TMEM14A: variants seen among roughly 807,000 people sequenced by gnomAD.
TMEM14A encodes the protein transmembrane protein 14A.
A neutral mutation model predicts 11.6 loss-of-function variants in TMEM14A; 8 were observed. That is an observed-to-expected ratio of 0.69 (90% CI 0.40 to 1.24). TMEM14A has a LOEUF of 1.24. Among genes scored for constraint, TMEM14A ranks in the 50% most tolerant of loss-of-function variants. TMEM14A has a pLI of 0.01. For missense variants in TMEM14A, 108 were observed against 121.9 expected, an observed-to-expected ratio of 0.89 and a Z score of 0.54; for synonymous variants, 34 against 45.5, an observed-to-expected ratio of 0.75 and a Z score of 1.02.
chr6:52,681,298 C>G (rs185052383), intron 2 of TMEM14A, among the ~76,000 whole-genome samples: 24 of 152,132 alleles, frequency 1.6e-4, no homozygotes, highest in Admixed American at 5.2e-4. Context: ...TCTATTAGTC[C>G]TTGAGTCCTG....
At position 52,677,094 on chromosome 6, in the gene TMEM14A, A is replaced by G. The variant is rs764266655; in HGVS notation, c.-9A>G. The G allele has an allele frequency of 5.6e-6, 9 of 1,613,946 alleles. No individual in the cohort carries two copies. The highest frequency in any genetic ancestry group is 2.7e-5 in the African/African-American group (2 of 74,878). ...CTTTCCCCCTTGCTTTAGAATTGCAACCTTGCCAATGGACCTGATCGGTTT... is the reference window on the plus strand; with the variant it reads ...CTTTCCCCCTTGCTTTAGAATTGCAGCCTTGCCAATGGACCTGATCGGTTT... On this transcript the variant is annotated 5_prime_UTR_variant, in exon 2 of 5. Coordinates refer to ENST00000211314, the MANE Select transcript of TMEM14A (RefSeq NM_014051.4).
At chr6:52,677,958 G>A (rs1769290411) in intron 2 of TMEM14A, among the ~76,000 whole-genome samples, 1 of 152,138 alleles carries the variant, frequency 6.6e-6, no homozygotes, top group Non-Finnish European at 1.5e-5. Flanking sequence ...TGTAGCTGGG[G>A]GGCTGGCAGG....
intron 1 of TMEM14A, among the ~76,000 whole-genome samples, chr6:52,675,819 A>G (rs1412196142): frequency 1.3e-5 from 2 of 152,266 alleles, no homozygotes; most frequent in African/African-American, 2.4e-5. Context: ...CTGTACAGAC[A>G]TGAAAGAATT....
Position 52,671,559 on chromosome 6 carries a change from CCTT to C in TMEM14A, c.-17+317_-17+319del, listed in dbSNP as rs1283682075. On this transcript the variant is annotated intron_variant, in intron 1 of 4. Coordinates refer to ENST00000211314, the MANE Select transcript of TMEM14A (RefSeq NM_014051.4). ...TGCAAAATGCTTGGCAGGATTTTAA[CCTT>C]CTCAGCACCACCCAGACCCCACTCG... 3.3e-5 allele frequency among the ~76,000 whole-genome samples: 5 copies of C among 152,108 alleles called. No homozygotes were observed. The South Asian group carries it at 8.3e-4, about 25-fold the overall frequency.
intron 3 of TMEM14A, among the ~76,000 whole-genome samples, chr6:52,683,467 A>G (rs1186150660): frequency 9.3e-6 from 1 of 107,246 alleles, no homozygotes; most frequent in Non-Finnish European, 1.9e-5. Flanking sequence ...CTCAACAACA[A>G]CAACAACAAC....
intron 2 of TMEM14A, among the ~76,000 whole-genome samples, chr6:52,678,817 C>T (rs1220340788): frequency 6.6e-6 from 1 of 152,132 alleles, no homozygotes; most frequent in Non-Finnish European, 1.5e-5. Flanking sequence ...CTGCTACTGC[C>T]CTGCCAGTGG....
intron 3 of TMEM14A, 40 bp downstream of exon 3, chr6:52,681,954 T>C (rs1169341201): frequency 6.5e-7 from 1 of 1,547,136 alleles, no homozygotes; most frequent in Non-Finnish European, 8.9e-7. Flanking sequence ...GACTCAAACA[T>C]TGGAGGTGAT....
intron 1 of TMEM14A, 61 bp from the exon 2 acceptor site, chr6:52,677,026 A>G: frequency 6.8e-7 from 1 of 1,472,044 alleles, no homozygotes; most frequent in East Asian, 2.3e-5. Context: ...TCATTTTTAG[A>G]TACATTCCCT....
intron 2 of TMEM14A, among the ~76,000 whole-genome samples, chr6:52,678,329 TTGTGTGTGTG>T (rs201993880): frequency 4.6e-4 from 14 of 30,140 alleles, no homozygotes; most frequent in South Asian, 4.1e-3. Flanking sequence ...ATGTGTGTGT[TTGTGTGTGTG>T]TGTGTGTGTG....
At chr6:52,676,972 C>T in intron 1 of TMEM14A, 115 bp from the exon 2 acceptor site, 1 of 909,746 alleles carries the variant, frequency 1.1e-6, no homozygotes, top group Non-Finnish European at 1.8e-6. Flanking sequence ...CACAATTCAA[C>T]ATGAAATTTG....
chr6:52,681,776 A>C (rs906168548), intron 2 of TMEM14A, 37 bp from the exon 3 acceptor site: 1 of 1,549,458 alleles, frequency 6.5e-7, no homozygotes, highest in African/African-American at 1.4e-5. Flanking sequence ...TCCTTTTGGG[A>C]TTCTCTTTGT....
At chr6:52,673,753 C>T (rs1345465000) in intron 1 of TMEM14A, among the ~76,000 whole-genome samples, 8 of 152,208 alleles carry the variant, frequency 5.3e-5, no homozygotes, top group African/African-American at 1.7e-4. Context: ...CTTACCATTG[C>T]TTCCTGCTGC....
At chr6:52,672,934 C>G (rs768479388) in intron 1 of TMEM14A, among the ~76,000 whole-genome samples, 73 of 152,170 alleles carry the variant, frequency 4.8e-4, no homozygotes, top group Non-Finnish European at 8.8e-4. Context: ...CCTTCATTGC[C>G]CTTAGGACGG....
At chr6:52,680,657 G>GTATATATATA (rs1175987493) in intron 2 of TMEM14A, among the ~76,000 whole-genome samples, 2 of 46,658 alleles carry the variant, frequency 4.3e-5, no homozygotes, top group Non-Finnish European at 8.2e-5. Flanking sequence ...ATATGTGTGT[G>GTATATATATA]TATATATATG....
intron 1 of TMEM14A, among the ~76,000 whole-genome samples, chr6:52,671,804 T>G (rs923017489): frequency 7.9e-5 from 12 of 152,234 alleles, no homozygotes; most frequent in African/African-American, 2.9e-4. Context: ...TGCGTTTTAG[T>G]CCTTCCAAGG....
intron 1 of TMEM14A, among the ~76,000 whole-genome samples, chr6:52,672,912 C>A (rs185842906): frequency 5.3e-5 from 8 of 152,330 alleles, no homozygotes; most frequent in Admixed American, 4.6e-4. Flanking sequence ...TTGTGAGGCT[C>A]CCTTCAGTGA....
At chr6:52,684,869 A>G (rs1396066318) in intron 4 of TMEM14A, among the ~76,000 whole-genome samples, 5 of 152,254 alleles carry the variant, frequency 3.3e-5, no homozygotes, top group South Asian at 2.1e-4. Flanking sequence ...TGAAAACACA[A>G]TAGACTGAAA....
intron 3 of TMEM14A, among the ~76,000 whole-genome samples, chr6:52,683,623 T>G (rs2127265814): frequency 6.6e-6 from 1 of 152,224 alleles, no homozygotes; most frequent in Middle Eastern, 3.4e-3. Flanking sequence ...TCTTTTGTTG[T>G]TTTTTTGAGA....
chr6:52,676,999 C>A (rs896874353), intron 1 of TMEM14A, 88 bp from the exon 2 acceptor site: 7 of 1,272,730 alleles, frequency 5.5e-6, no homozygotes, highest in Non-Finnish European at 6.8e-6. Context: ...GACACACAGC[C>A]AAACCATATA....
Sources: allele counts gnomAD v4.1 joint callset (sites outside exome capture counted in the v4.1 genomes callset), GRCh38; gene constraint gnomAD v4.1.1; transcripts MANE v1.5; gene names NCBI Gene and HGNC (gene_info 2026-07-23, HGNC 2026-07-21).